AP2B1: variants seen among roughly 807,000 people sequenced by gnomAD.
AP2B1 encodes adaptor related protein complex 2 subunit beta 1, also known as AP-2 complex subunit beta.
In AP2B1, 23 loss-of-function variants were observed where a neutral mutation model predicts 102.0. That is an observed-to-expected ratio of 0.23 (90% CI 0.16 to 0.32). AP2B1 has a LOEUF of 0.32. Among genes scored for constraint, AP2B1 ranks in the 10% least tolerant of loss-of-function variants. AP2B1 has a pLI of 1.00. For synonymous variants in AP2B1, 381 were observed against 421.2 expected, an observed-to-expected ratio of 0.90 and a Z score of 1.17; for missense variants, 541 against 1,157.4, an observed-to-expected ratio of 0.47 and a Z score of 7.73.
At position 35,640,238 on chromosome 17, in the gene AP2B1, T is replaced by TA. The variant is rs2074735977; in HGVS notation, c.1437+478_1437+479insA. The stretch of plus-strand genomic sequence containing the variant: ...GGCCAGTTTTACTGATTTTTTTTTT[T>TA]TTTTTTTTTTTTTTTTTGAGACAGT... On this transcript the variant is annotated intron_variant, in intron 11 of 21. Coordinates refer to ENST00000610402, the MANE Select transcript of AP2B1 (RefSeq NM_001030006.2). 1.8e-3 allele frequency among the ~76,000 whole-genome samples: 31 copies of TA among 17,710 alleles called. No individual in the cohort carries two copies. In the South Asian group the frequency reaches 0.021, roughly 12 times the overall value. The allele number at this position is 17,710 out of a possible 152,430, so 11.6% of individuals were successfully genotyped here. A position where few individuals can be genotyped will look rare whatever the true frequency, so the allele number is the denominator to read the frequency against.
At chr17:35,599,204 A>G (rs1393889670) in intron 3 of AP2B1, among the ~76,000 whole-genome samples, 1 of 152,230 alleles carries the variant, frequency 6.6e-6, no homozygotes, top group Non-Finnish European at 1.5e-5. Context: ...TCGACTTGAG[A>G]AAAAACCCTT....
At chr17:35,635,742 G>T (rs1480584400) in intron 9 of AP2B1, among the ~76,000 whole-genome samples, 2 of 152,010 alleles carry the variant, frequency 1.3e-5, no homozygotes, top group African/African-American at 4.8e-5. Context: ...TGTTGCCCAG[G>T]CTGGAGTACA....
intron 5 of AP2B1, among the ~76,000 whole-genome samples, chr17:35,622,060 C>T (rs1032717081): frequency 4.4e-4 from 67 of 152,234 alleles, no homozygotes; most frequent in African/African-American, 1.6e-3. Context: ...AAATATCTTG[C>T]ATGTGAAGCA....
At chr17:35,670,811 A>C (rs1452430021) in intron 14 of AP2B1, 46 bp from the exon 15 acceptor site, 12 of 1,596,974 alleles carry the variant, frequency 7.5e-6, no homozygotes, top group Non-Finnish European at 1.0e-5. Flanking sequence ...GTATTTAGCT[A>C]AATGAACTCT....
chr17:35,638,552 G>T (rs1430030499), intron 10 of AP2B1, among the ~76,000 whole-genome samples: 1 of 152,130 alleles, frequency 6.6e-6, no homozygotes, highest in African/African-American at 2.4e-5. Context: ...ACTTTGGGAG[G>T]CCGAGGTGGG....
chr17:35,703,481 G>A (rs587715470), intron 18 of AP2B1, among the ~76,000 whole-genome samples: 21 of 152,222 alleles, frequency 1.4e-4, no homozygotes, highest in Admixed American at 7.2e-4. Context: ...CATGTATACC[G>A]TGGAATACTA....
At chr17:35,593,965 A>G (rs1050966294) in intron 1 of AP2B1, 43 bp from the exon 2 acceptor site, 6 of 1,060,520 alleles carry the variant, frequency 5.7e-6, no homozygotes, top group Non-Finnish European at 1.3e-6. Flanking sequence ...GCCTTGTTGG[A>G]TATCTATAAC....
intron 5 of AP2B1, 85 bp from the exon 6 acceptor site, chr17:35,624,312 A>C (rs944781198): frequency 9.5e-6 from 12 of 1,263,902 alleles, no homozygotes; most frequent in Non-Finnish European, 1.0e-5. Flanking sequence ...GAGATCCGTG[A>C]AATGACCCAG....
chr17:35,588,374 C>G (rs2072971794), intron 1 of AP2B1, among the ~76,000 whole-genome samples: 1 of 152,008 alleles, frequency 6.6e-6, no homozygotes, highest in Non-Finnish European at 1.5e-5. Flanking sequence ...ACTCCTGGGC[C>G]CAAGCGATCC....
At chr17:35,719,973 C>A (rs1598369096) in intron 21 of AP2B1, among the ~76,000 whole-genome samples, 1 of 152,132 alleles carries the variant, frequency 6.6e-6, no homozygotes, top group African/African-American at 2.4e-5. Context: ...TAAGAACACC[C>A]GTGGAAGTGC....
At chr17:35,717,627 C>G (rs989506281) in intron 21 of AP2B1, among the ~76,000 whole-genome samples, 1 of 152,180 alleles carries the variant, frequency 6.6e-6, no homozygotes, top group East Asian at 1.9e-4. Flanking sequence ...GCAGCTTCAT[C>G]CTCAATATCA....
intron 3 of AP2B1, among the ~76,000 whole-genome samples, chr17:35,605,201 G>C (rs1053594545): frequency 6.6e-5 from 10 of 151,812 alleles, no homozygotes; most frequent in Admixed American, 2.0e-4. Context: ...CACCATGTCT[G>C]GCCTACAGTT....
chr17:35,591,693 A>G (rs1195180794), intron 1 of AP2B1, among the ~76,000 whole-genome samples: 1 of 152,232 alleles, frequency 6.6e-6, no homozygotes, highest in Non-Finnish European at 1.5e-5. Flanking sequence ...ATATACATTC[A>G]TAAATAACTT....
At chr17:35,718,750 A>G (rs1360408841) in intron 21 of AP2B1, among the ~76,000 whole-genome samples, 1 of 151,442 alleles carries the variant, frequency 6.6e-6, no homozygotes, top group Non-Finnish European at 1.5e-5. Context: ...CCAAAAGTTT[A>G]TATATGGGTG....
chr17:35,675,470 A>G (rs953193015), intron 17 of AP2B1, among the ~76,000 whole-genome samples: 48 of 152,238 alleles, frequency 3.2e-4, no homozygotes, highest in African/African-American at 1.2e-3. Flanking sequence ...CTTTCTGTCA[A>G]GACTACCAAT....
intron 10 of AP2B1, 22 bp downstream of exon 10, chr17:35,636,478 C>G: frequency 6.4e-7 from 1 of 1,566,834 alleles, no homozygotes; most frequent in Non-Finnish European, 8.8e-7. Context: ...TACCTTTACC[C>G]CTCTTTCTCA....
At chr17:35,589,551 A>G (rs946981310) in intron 1 of AP2B1, among the ~76,000 whole-genome samples, 1 of 152,182 alleles carries the variant, frequency 6.6e-6, no homozygotes, top group Non-Finnish European at 1.5e-5. Context: ...GACAACCTAT[A>G]TTTGGTAGAA....
At chr17:35,591,425 G>T (rs906693948) in intron 1 of AP2B1, among the ~76,000 whole-genome samples, 1 of 152,030 alleles carries the variant, frequency 6.6e-6, no homozygotes, top group Non-Finnish European at 1.5e-5. Flanking sequence ...CGCACGCCTC[G>T]TCCTCCCAAA....
intron 6 of AP2B1, among the ~76,000 whole-genome samples, chr17:35,626,372 C>G (rs2074315935): frequency 6.6e-6 from 1 of 151,956 alleles, no homozygotes; most frequent in African/African-American, 2.4e-5. Flanking sequence ...TAGGTTCTTT[C>G]CAGTTTGAAC....
Sources: allele counts gnomAD v4.1 joint callset (sites outside exome capture counted in the v4.1 genomes callset), GRCh38; gene constraint gnomAD v4.1.1; transcripts MANE v1.5; gene names NCBI Gene and HGNC (gene_info 2026-07-23, HGNC 2026-07-21).